Variants in CSMD3 observed in about 807,000 individuals in gnomAD.
The protein encoded by CSMD3 is CUB and sushi domain-containing protein 3.
Under a neutral mutation model 435.2 loss-of-function variants are expected in CSMD3, and 177 were observed. That is an observed-to-expected ratio of 0.41 (90% CI 0.36 to 0.46). CSMD3 has a LOEUF of 0.46. Ranked by LOEUF, CSMD3 falls within the 20% of genes least tolerant of loss-of-function variation. The probability of loss-of-function intolerance (pLI) is 0.34; values close to 1 mark genes in which losing one functional copy is unlikely to be tolerated. For missense variants in CSMD3, 4,265 were observed against 4,504.6 expected (o/e 0.95, Z 1.52); for synonymous variants, 1,656 against 1,520.5 (o/e 1.09, Z -2.07).
intron 2 of CSMD3, among the ~76,000 whole-genome samples, chr8:113,305,742 A>C (rs1183273137): frequency 6.6e-6 from 1 of 152,214 alleles, no homozygotes; most frequent in Admixed American, 6.5e-5. Flanking sequence ...TCTGTCCTTG[A>C]GATCTATGCA....
chr8:112,923,963 G>A (rs2082827837), intron 9 of CSMD3, among the ~76,000 whole-genome samples: 1 of 152,080 alleles, frequency 6.6e-6, no homozygotes, highest in South Asian at 2.1e-4. Context: ...CCCATTGCCT[G>A]CTGCATTTGC....
At chr8:112,806,478 C>T (rs775597876) in intron 12 of CSMD3, among the ~76,000 whole-genome samples, 5 of 152,184 alleles carry the variant, frequency 3.3e-5, no homozygotes, top group Admixed American at 6.5e-5. Flanking sequence ...GTCCCACATG[C>T]TGTGACAGCT....
At chr8:112,931,748 T>A (rs1394354682) in intron 9 of CSMD3, among the ~76,000 whole-genome samples, 1 of 152,020 alleles carries the variant, frequency 6.6e-6, no homozygotes, top group Non-Finnish European at 1.5e-5. Context: ...AACAACTCAA[T>A]AGCAATAATA....
In CSMD3 at chr8:112,801,451, T is replaced by G. The variant is rs867701309; in HGVS notation, c.1860-1177A>C. Among the ~76,000 whole-genome samples the G allele has an allele frequency of 2.0e-5, 3 of 152,132 alleles. No individual in the cohort carries two copies. The South Asian group carries it at 6.2e-4, about 32-fold the overall frequency. Reference sequence around the variant, plus strand: ...CACAAAGAAACTTGGTAAACTACTATTATTTAATTATGGGATTATATATTA... The same window carrying G: ...CACAAAGAAACTTGGTAAACTACTAGTATTTAATTATGGGATTATATATTA... On this transcript the variant is annotated intron_variant, in intron 12 of 70. Coordinates refer to ENST00000297405, the MANE Select transcript of CSMD3 (RefSeq NM_198123.2).
At chr8:112,601,461 A>G (rs1399737131) in intron 22 of CSMD3, among the ~76,000 whole-genome samples, 3 of 152,174 alleles carry the variant, frequency 2.0e-5, no homozygotes. Flanking sequence ...ACAAACATAC[A>G]ATCAAGGAAC....
chr8:113,061,580 T>C (rs2088613279), intron 5 of CSMD3, among the ~76,000 whole-genome samples: 1 of 152,136 alleles, frequency 6.6e-6, no homozygotes, highest in African/African-American at 2.4e-5. Flanking sequence ...TGTTCACATA[T>C]TTCAAATAGA....
chr8:112,869,990 A>G (rs1402357290), intron 10 of CSMD3, among the ~76,000 whole-genome samples: 1 of 152,206 alleles, frequency 6.6e-6, no homozygotes, highest in Non-Finnish European at 1.5e-5. Flanking sequence ...TGGCACATGT[A>G]TAACTATGTA....
At chr8:113,145,423 T>C (rs554267673) in intron 4 of CSMD3, among the ~76,000 whole-genome samples, 1 of 151,738 alleles carries the variant, frequency 6.6e-6, no homozygotes, top group South Asian at 2.1e-4. Flanking sequence ...TGAAATCACA[T>C]GGGCCTATTT....
intron 32 of CSMD3, among the ~76,000 whole-genome samples, chr8:112,442,723 A>G (rs1450111655): frequency 6.6e-6 from 1 of 152,146 alleles, no homozygotes; most frequent in Admixed American, 6.5e-5. Flanking sequence ...GCTCTCATCA[A>G]AAAAATATGA....
At chr8:112,559,531 G>A (rs1178663906) in intron 24 of CSMD3, among the ~76,000 whole-genome samples, 2 of 151,782 alleles carry the variant, frequency 1.3e-5, no homozygotes, top group African/African-American at 4.8e-5. Flanking sequence ...TAGGTGAAAG[G>A]AGAGCTGACA....
At chr8:113,426,201 A>T (rs1014115185) in intron 1 of CSMD3, among the ~76,000 whole-genome samples, 2 of 151,482 alleles carry the variant, frequency 1.3e-5, no homozygotes, top group African/African-American at 2.4e-5. Flanking sequence ...TAAATTCATT[A>T]CTAACATTTA....
At chr8:112,555,018 T>C (rs1297319254) in intron 25 of CSMD3, among the ~76,000 whole-genome samples, 1 of 151,952 alleles carries the variant, frequency 6.6e-6, no homozygotes, top group East Asian at 1.9e-4. Context: ...TCTTCTGTTA[T>C]CATCAAATTA....
chr8:112,276,300 G>C (rs1818034444), intron 59 of CSMD3, among the ~76,000 whole-genome samples: 1 of 152,168 alleles, frequency 6.6e-6, no homozygotes, highest in Non-Finnish European at 1.5e-5. Context: ...CCTCTCACCT[G>C]CTTTCACAGG....
chr8:112,955,835 T>A (rs145824764), intron 7 of CSMD3, among the ~76,000 whole-genome samples: 245 of 151,758 alleles, frequency 1.6e-3, no homozygotes, highest in African/African-American at 5.7e-3. Flanking sequence ...GCTATAAATT[T>A]AAAAAAAAGC....
chr8:113,278,597 T>A lies in CSMD3; in HGVS notation c.509A>T (p.Tyr170Phe). The A allele has an allele frequency of 6.7e-7, 1 of 1,491,894 alleles. No individual in the cohort carries two copies. The highest frequency in any genetic ancestry group is 1.1e-5 in the South Asian group (1 of 88,552). The allele number at this position is 1,491,894 out of a possible 1,614,324, so 92.4% of individuals were successfully genotyped here. A position where few individuals can be genotyped will look rare whatever the true frequency, so the allele number is the denominator to read the frequency against. ...TTGCCACTACCATCACTTACCTTCGTAATATACCTTAAATCCATGAGCACT... is the reference window on the plus strand; with the variant it reads ...TTGCCACTACCATCACTTACCTTCGAAATATACCTTAAATCCATGAGCACT... ...AVSAHGFKVY[Y>F]EELQSSSCGN... The change falls in exon 3 of 71, where the codon TAC becomes TTC. Residue 170 changes from tyrosine (Y) to phenylalanine (F), a missense_variant. Around this residue, in one of 3 missense-constraint regions of CSMD3, gnomAD observed 731 missense variants for 755.4 expected, o/e 0.97. Transcript: ENST00000297405.
chr8:112,335,251 A>AAT (rs1257028745), intron 45 of CSMD3, 78 bp downstream of exon 45: 1 of 1,355,542 alleles, frequency 7.4e-7, no homozygotes, highest in East Asian at 2.4e-5. Flanking sequence ...TCATTGGTTA[A>AAT]ATATATATTA....
chr8:113,212,782 A>G (rs571735254), intron 3 of CSMD3, among the ~76,000 whole-genome samples: 425 of 152,028 alleles, frequency 2.8e-3, no homozygotes, highest in African/African-American at 9.2e-3. Context: ...AGATATACCT[A>G]ATGTAAATGA....
chr8:112,437,342 G>T (rs768281888), intron 32 of CSMD3, among the ~76,000 whole-genome samples: 2 of 152,002 alleles, frequency 1.3e-5, no homozygotes, highest in Non-Finnish European at 2.9e-5. Flanking sequence ...GTCATAAAAA[G>T]TAAGAGTAAA....
At chr8:113,426,345 A>T (rs1641850506) in intron 1 of CSMD3, among the ~76,000 whole-genome samples, 1 of 151,498 alleles carries the variant, frequency 6.6e-6, no homozygotes, top group African/African-American at 2.4e-5. Context: ...TTATATTTTT[A>T]AAATTATTGA....
Sources: allele counts gnomAD v4.1 joint callset (sites outside exome capture counted in the v4.1 genomes callset), GRCh38; gene constraint gnomAD v4.1.1; regional missense constraint gnomAD v4.1.1; transcripts MANE v1.5; gene names NCBI Gene and HGNC (gene_info 2026-07-23, HGNC 2026-07-21).